The following LAMA5 variants were observed in gnomAD, a reference collection of about 807,000 sequenced individuals.
LAMA5 encodes laminin subunit alpha 5, also known as laminin subunit alpha-5.
In LAMA5, 260 loss-of-function variants were observed where a neutral mutation model predicts 433.4. The ratio of observed to expected loss-of-function variants is 0.60; its 90% CI spans 0.54 to 0.66. The LOEUF is 0.66. Ranked by LOEUF, LAMA5 falls within the 30% of genes least tolerant of loss-of-function variation. LAMA5 has a pLI of 0.00. For synonymous variants in LAMA5, 2,620 were observed against 2,226.6 expected (o/e 1.18, Z -4.97); for missense variants, 5,378 against 5,258.5 (o/e 1.02, Z -0.70).
chr20:62,315,148 C>T lies in LAMA5; in HGVS notation c.7927G>A (p.Ala2643Thr), dbSNP rs199613659. The T allele has an allele frequency of 2.5e-5, 40 of 1,610,624 alleles. No homozygotes were observed. The highest frequency in any genetic ancestry group is 4.5e-5 in the East Asian group (2 of 44,876). ...KAVAAEAQDT[A>T]TRVQSQLQAM... ...TGCAGCTGGGACTGCACACGGGTGG[C>T]GGTGTCCTGGGCTTCAGCAGCCACA... The change falls in exon 59 of 80, where the codon GCC becomes ACC. Residue 2643 changes from alanine (A) to threonine (T), a missense_variant. Transcript: ENST00000252999.
chr20:62,311,462 G>A lies in LAMA5; in HGVS notation c.9881C>T (p.Pro3294Leu). The A allele has an allele frequency of 6.2e-7, 1 of 1,607,068 alleles. No individual in the cohort carries two copies. The highest frequency in any genetic ancestry group is 8.5e-7 in the Non-Finnish European group (1 of 1,177,206). ...GCCCGGGGTCTGGGCTTGCAGGGCGGGTGCACAGCCCGTGCTCACATTGAC... is the reference window on the plus strand; with the variant it reads ...GCCCGGGGTCTGGGCTTGCAGGGCGAGTGCACAGCCCGTGCTCACATTGAC... ...GSVNVSTGCAPALQAQTPGLG... is the reference protein window; with the variant it reads ...GSVNVSTGCALALQAQTPGLG... The change falls in exon 72 of 80, where the codon CCC (proline) becomes CTC (leucine). Residue 3294 changes from proline to leucine, a missense_variant. Coordinates refer to ENST00000252999, the MANE Select transcript of LAMA5 (RefSeq NM_005560.6).
chr20:62,313,320 C>T lies in LAMA5; in HGVS notation c.8792+7G>A. 6 of 1,550,018 alleles carry T rather than the reference C, an allele frequency of 3.9e-6. No individual in the cohort carries two copies. Among genetic ancestry groups the T allele is most frequent in the Non-Finnish European group, 5.2e-6 (6 of 1,147,094 alleles). On this transcript the variant is annotated splice_region_variant and intron_variant, in intron 64 of 79. Transcript: ENST00000252999. ...GGGTGGAGACGGGGAGGGCAGGCCA[C>T]ACGCACCGGGCACAAGGCCTGTCCA...
chr20:62,331,022 C>A lies in LAMA5; in HGVS notation c.3650+10G>T, dbSNP rs1301928207. ...GCCGCGCCCCTCCCAGCCCCATTAC[C>A]TGCCATTACCTGTTGGGGCCAAAGG... On this transcript the variant is annotated intron_variant, in intron 29 of 79. Coordinates refer to ENST00000252999, the MANE Select transcript of LAMA5 (RefSeq NM_005560.6). The A allele has an allele frequency of 1.3e-6, 2 of 1,590,556 alleles. No individual in the cohort carries two copies. Among genetic ancestry groups the A allele is most frequent in the Non-Finnish European group, 1.7e-6 (2 of 1,170,378 alleles).
rs1446579112 is a variant in LAMA5 at position 62,330,934 on chromosome 20, G to A, written c.3661C>T (p.Leu1221=). 2 of 1,552,062 alleles carry A rather than the reference G, an allele frequency of 1.3e-6. No individual in the cohort carries two copies. The highest frequency in any genetic ancestry group is 2.4e-5 in the South Asian group (2 of 84,508). ...GAFGPNSAAC[L]PSRFPKPPQP... ...GGCGGCTTTGGGAAGCGCGAGGGCA[G>A]ACAGGCGGCACTGGTGAGAGCACAG... The change falls in exon 30 of 80, where the codon CTG becomes TTG. Residue 1221 remains leucine (L), a synonymous_variant. Coordinates refer to ENST00000252999, the MANE Select transcript of LAMA5 (RefSeq NM_005560.6).
In LAMA5 at chr20:62,313,668, C is replaced by A; in HGVS notation, c.8639G>T (p.Gly2880Val). 4 of 1,612,772 alleles carry A rather than the reference C, an allele frequency of 2.5e-6. No individual in the cohort carries two copies. Among genetic ancestry groups the A allele is most frequent in the Middle Eastern group, 1.7e-4 (1 of 6,046 alleles). ...GCTCACCGTGAAGGTACTGGGGTAC[C>A]CCCCGACGTAGAAGACGAAGTCGTC... Reference protein sequence around the residue: ...RPDDFVFYVGGYPSTFTPPPL... With the variant: ...RPDDFVFYVGVYPSTFTPPPL... The change falls in exon 63 of 80, where the codon GGG (glycine) becomes GTG (valine). Residue 2880 changes from glycine (G) to valine (V), a missense_variant. Coordinates refer to ENST00000252999, the MANE Select transcript of LAMA5 (RefSeq NM_005560.6).
chr20:62,317,205 C>T (rs1438160405), intron 55 of LAMA5, 140 bp downstream of exon 55: 2 of 1,178,756 alleles, frequency 1.7e-6, no homozygotes, highest in Non-Finnish European at 2.3e-6. Flanking sequence ...CCCCAGCTTG[C>T]CGTGGAGCTG....
chr20:62,352,948 G>A (rs1324946030), intron 3 of LAMA5, 186 bp downstream of exon 3: 4 of 529,232 alleles, frequency 7.6e-6, no homozygotes, highest in Admixed American at 3.6e-5. Flanking sequence ...GGCTGTGCCC[G>A]ACGCCAGGGA....
chr20:62,345,583 T>C, intron 11 of LAMA5: 3 of 658,212 alleles, frequency 4.6e-6, no homozygotes, highest in East Asian at 2.9e-5. Context: ...ATTTTTGTAT[T>C]TGCTGTAGAG....
chr20:62,344,144 C>CAAAAAA (rs34940052), intron 11 of LAMA5, among the ~76,000 whole-genome samples: 2 of 82,652 alleles, frequency 2.4e-5, no homozygotes, highest in Non-Finnish European at 4.8e-5. Context: ...AACTCCATCT[C>CAAAAAA]AAAAAAAAAA....
chr20:62,322,457 A>G lies in LAMA5; in HGVS notation c.6166-8T>C, dbSNP rs1337948874. 1.3e-6 allele frequency: 2 copies of G among 1,573,690 alleles called. No individual in the cohort carries two copies. Among genetic ancestry groups the G allele is most frequent in the East Asian group, 2.3e-5 (1 of 42,660 alleles). ...GAAACCAAAATGTCCCTCCTGTGGC[A>G]CAGGCTGGTCACTGCCCTGCCCAGC... On this transcript the variant is annotated splice_region_variant and splice_polypyrimidine_tract_variant and intron_variant, in intron 46 of 79. Transcript: ENST00000252999.
At position 62,313,106 on chromosome 20, in the gene LAMA5, G is replaced by C; in HGVS notation, c.8937C>G (p.Leu2979=). ...ELRLVSYSGV[L]FFLKQQSQFL... is the part of the protein sequence containing the mutation. ...GGCGCACCTGCTGCTTCAGGAAGAA[G>C]AGCACCCCGCTGTAGGACACGAGCC... The change falls in exon 65 of 80, where the codon CTC becomes CTG. Residue 2979 remains leucine (L), a synonymous_variant. Coordinates refer to ENST00000252999, the MANE Select transcript of LAMA5 (RefSeq NM_005560.6). 1 of 1,609,740 alleles carries C rather than the reference G, an allele frequency of 6.2e-7. No individual in the cohort carries two copies. Among genetic ancestry groups the C allele is most frequent in the Non-Finnish European group, 8.5e-7 (1 of 1,179,704 alleles).
At chr20:62,343,320 T>C (rs1982874631) in intron 11 of LAMA5, among the ~76,000 whole-genome samples, 1 of 152,086 alleles carries the variant, frequency 6.6e-6, no homozygotes, top group African/African-American at 2.4e-5. Flanking sequence ...AGAGAATTCC[T>C]GGGTAAGGGA....
At chr20:62,318,682 T>C in intron 52 of LAMA5, 32 bp from the exon 53 acceptor site, 1 of 1,602,404 alleles carries the variant, frequency 6.2e-7, no homozygotes, top group South Asian at 1.1e-5. Flanking sequence ...GTGGTCACTC[T>C]GGAAGCCAGG....
In LAMA5 at chr20:62,312,950, C is replaced by T. The variant is rs372667007; in HGVS notation, c.9016G>A (p.Ala3006Thr). The change falls in exon 66 of 80, where the codon GCT (alanine) becomes ACT (threonine). Residue 3006 changes from alanine (A) to threonine (T), a missense_variant. Physicochemically the swap from Ala to Thr is moderately conservative, Grantham distance 58 (BLOSUM62 0). Coordinates refer to ENST00000252999, the MANE Select transcript of LAMA5 (RefSeq NM_005560.6). ...AGTGGGACGGCCTTTTTCAGGCCAGCCCCAAAGTCATACAACAGCACGAGG... is the reference window on the plus strand; with the variant it reads ...AGTGGGACGGCCTTTTTCAGGCCAGTCCCAAAGTCATACAACAGCACGAGG... ...GSLVLLYDFG[A>T]GLKKAVPLQP... 10 of 1,582,696 alleles carry T rather than the reference C, an allele frequency of 6.3e-6. No homozygotes were observed. The highest frequency in any genetic ancestry group is 3.4e-4 in the Middle Eastern group (2 of 5,906).
At chr20:62,350,165 C>G (rs1298692623) in intron 6 of LAMA5, among the ~76,000 whole-genome samples, 1 of 151,948 alleles carries the variant, frequency 6.6e-6, no homozygotes, top group Non-Finnish European at 1.5e-5. Flanking sequence ...CAGGCCAAGG[C>G]AAGCCCCGGC....
chr20:62,313,238 G>C lies in LAMA5; in HGVS notation c.8805C>G (p.Thr2935=). 6.5e-7 allele frequency: 1 copy of C among 1,545,046 alleles called. No homozygotes were observed. The highest frequency in any genetic ancestry group is 8.7e-7 in the Non-Finnish European group (1 of 1,148,120). Residue 2935 remains threonine, a synonymous_variant, in exon 65 of 80, where the codon ACC becomes ACG. Coordinates refer to ENST00000252999, the MANE Select transcript of LAMA5 (RefSeq NM_005560.6). ...VDRPCARSKS[T]GDPWLTDGSY... is the part of the protein sequence containing the mutation. ...AGCCGTCCGTGAGCCACGGGTCCCCGGTCGACTTGGAGCTGCAGGTCGGAG... is the reference window on the plus strand; with the variant it reads ...AGCCGTCCGTGAGCCACGGGTCCCCCGTCGACTTGGAGCTGCAGGTCGGAG...
chr20:62,316,148 A>G (rs2083671956), intron 57 of LAMA5, 90 bp from the exon 58 acceptor site: 1 of 835,646 alleles, frequency 1.2e-6, no homozygotes, highest in Non-Finnish European at 1.9e-6. Flanking sequence ...CAGGAGGACC[A>G]AGGCTGACAC....
Position 62,323,770 on chromosome 20 carries a change from G to T in LAMA5, c.5849+6C>A. Reference sequence around the variant, plus strand: ...GCCCTGCCCCACTGCCCTAGCCCCAGCTCACCGCTCGCAGGAGGCACCTGC... The same window carrying T: ...GCCCTGCCCCACTGCCCTAGCCCCATCTCACCGCTCGCAGGAGGCACCTGC... On this transcript the variant is annotated splice_donor_region_variant and intron_variant, in intron 44 of 79. Coordinates refer to ENST00000252999, the MANE Select transcript of LAMA5 (RefSeq NM_005560.6). The T allele has an allele frequency of 6.2e-7, 1 of 1,608,668 alleles. No homozygotes were observed. The highest frequency in any genetic ancestry group is 1.1e-5 in the South Asian group (1 of 90,548).
chr20:62,350,930 GGAGGA>G (rs1984191214), intron 6 of LAMA5: 1 of 152,368 alleles, frequency 6.6e-6, no homozygotes, highest in Non-Finnish European at 1.5e-5. Context: ...ACGAAGGGAG[GGAGGA>G]AAGGACGGAC....
Sources: allele counts gnomAD v4.1 joint callset (sites outside exome capture counted in the v4.1 genomes callset), GRCh38; gene constraint gnomAD v4.1.1; transcripts MANE v1.5; gene names NCBI Gene and HGNC (gene_info 2026-07-23, HGNC 2026-07-21).